Variants in TMPRSS15 observed in about 807,000 individuals in gnomAD.
TMPRSS15 encodes the protein transmembrane serine protease 15.
In TMPRSS15, 128 loss-of-function variants were observed where a neutral mutation model predicts 125.3. The ratio of observed to expected loss-of-function variants is 1.02; its 90% CI spans 0.89 to 1.18. The LOEUF is 1.18. Among genes scored for constraint, TMPRSS15 ranks in the 50% most tolerant of loss-of-function variants. The pLI is 0.00. For missense variants in TMPRSS15, 1,283 were observed against 1,212.7 expected, an observed-to-expected ratio of 1.06 and a Z score of -0.86; for synonymous variants, 446 against 423.2, an observed-to-expected ratio of 1.05 and a Z score of -0.66.
intron 6 of TMPRSS15, among the ~76,000 whole-genome samples, chr21:18,365,608 T>C (rs2075722293): frequency 2.3e-5 from 1 of 43,016 alleles, no homozygotes; most frequent in Non-Finnish European, 5.6e-5. Context: ...CCTTCTTTCC[T>C]TCCTTTTCTC....
intron 3 of TMPRSS15, among the ~76,000 whole-genome samples, chr21:18,392,734 T>G (rs2076001057): frequency 6.6e-6 from 1 of 152,188 alleles, no homozygotes; most frequent in Non-Finnish European, 1.5e-5. Context: ...GAAGTTTAAT[T>G]GACTCACAGT....
At chr21:18,466,348 A>T (rs908480729) in intron 1 of TMPRSS15, among the ~76,000 whole-genome samples, 3 of 152,150 alleles carry the variant, frequency 2.0e-5, no homozygotes, top group Non-Finnish European at 1.5e-5. Context: ...GGACATAGGC[A>T]TGGGCAAACA....
chr21:18,305,614 G>C (rs2075029775), intron 18 of TMPRSS15, among the ~76,000 whole-genome samples: 1 of 152,120 alleles, frequency 6.6e-6, no homozygotes, highest in Non-Finnish European at 1.5e-5. Context: ...GAGACTAGGT[G>C]ATTCTTATGT....
At chr21:18,393,227 G>A (rs2076005712) in intron 3 of TMPRSS15, among the ~76,000 whole-genome samples, 1 of 152,132 alleles carries the variant, frequency 6.6e-6, no homozygotes, top group Non-Finnish European at 1.5e-5. Context: ...AGTGAGATAT[G>A]AAGATGGAGA....
At chr21:18,280,586 A>AAAAAAACAAAAC (rs1555890686) in intron 22 of TMPRSS15, among the ~76,000 whole-genome samples, 1 of 148,976 alleles carries the variant, frequency 6.7e-6, no homozygotes, top group African/African-American at 2.6e-5. Flanking sequence ...AAAAAAAAAA[A>AAAAAAACAAAAC]AAAAAAAAAC....
At chr21:18,349,874 A>G (rs1475893) in intron 10 of TMPRSS15, among the ~76,000 whole-genome samples, 8 of 152,014 alleles carry the variant, frequency 5.3e-5, no homozygotes, top group Non-Finnish European at 1.0e-4. Flanking sequence ...CAAGCCGAAA[A>G]CATTTTCCCC....
intron 1 of TMPRSS15, among the ~76,000 whole-genome samples, chr21:18,414,299 C>T (rs1187236660): frequency 2.0e-5 from 3 of 152,032 alleles, no homozygotes; most frequent in Admixed American, 6.5e-5. Flanking sequence ...TAGACATGTC[C>T]TAACAGCTCC....
At chr21:18,369,258 C>G (rs764135652) in intron 6 of TMPRSS15, among the ~76,000 whole-genome samples, 1 of 152,126 alleles carries the variant, frequency 6.6e-6, no homozygotes, top group East Asian at 1.9e-4. Flanking sequence ...TGTGTCTTTG[C>G]TCATGGCATT....
intron 16 of TMPRSS15, among the ~76,000 whole-genome samples, chr21:18,322,368 C>T (rs998373858): frequency 6.6e-6 from 1 of 152,156 alleles, no homozygotes; most frequent in African/African-American, 2.4e-5. Flanking sequence ...AGGAGCCCCT[C>T]TGCTGGATAT....
At chr21:18,416,436 TCATATTATC>T (rs1226809843) in intron 1 of TMPRSS15, among the ~76,000 whole-genome samples, 1 of 152,026 alleles carries the variant, frequency 6.6e-6, no homozygotes, top group Non-Finnish European at 1.5e-5. Context: ...AGAGCAAAAT[TCATATTATC>T]CTTATATATC....
chr21:18,419,749 C>A (rs1409616958), intron 1 of TMPRSS15, among the ~76,000 whole-genome samples: 1 of 152,144 alleles, frequency 6.6e-6, no homozygotes, highest in Non-Finnish European at 1.5e-5. Context: ...CATCTGTAGT[C>A]GTTCCTGTAG....
At position 18,343,523 on chromosome 21, in the gene TMPRSS15, C is replaced by T. The variant is rs926009494; in HGVS notation, c.1411G>A (p.Glu471Lys). 3.1e-6 allele frequency: 5 copies of T among 1,610,972 alleles called. No homozygotes were observed. The highest frequency in any genetic ancestry group is 4.2e-6 in the Non-Finnish European group (5 of 1,177,546). Reference sequence around the variant, plus strand: ...TTGCAAACCTTAAATTTAACTGTTTCATTTAGGGTTACTTGTCCATAATTC... The same window carrying T: ...TTGCAAACCTTAAATTTAACTGTTTTATTTAGGGTTACTTGTCCATAATTC... ...NWNYGQVTLN[E>K]TVKFKVAFNA... Residue 471 changes from glutamate to lysine, a missense_variant, in exon 12 of 25, where the codon GAA becomes AAA. Coordinates refer to ENST00000284885, the MANE Select transcript of TMPRSS15 (RefSeq NM_002772.3).
Position 18,334,022 on chromosome 21 carries a change from T to C in TMPRSS15, c.1565-1849A>G, listed in dbSNP as rs191423183. ...AAAGGCATATAATACTGAGATTATT[T>C]ACCCCCAATAAACTAGAAATCAGAT... is the stretch of plus-strand genomic sequence containing the variant. On this transcript the variant is annotated intron_variant, in intron 13 of 24. Transcript: ENST00000284885. Among the ~76,000 whole-genome samples the C allele has an allele frequency of 2.6e-4, 39 of 152,320 alleles. 2 individuals carry two copies. In the East Asian group the frequency reaches 7.5e-3, roughly 29 times the overall value.
At chr21:18,462,651 A>T (rs1978572995) in intron 1 of TMPRSS15, among the ~76,000 whole-genome samples, 1 of 152,182 alleles carries the variant, frequency 6.6e-6, no homozygotes, top group Non-Finnish European at 1.5e-5. Flanking sequence ...AAAAATAAAA[A>T]GCAGAAGTGC....
chr21:18,302,388 A>T (rs535224264), intron 18 of TMPRSS15, among the ~76,000 whole-genome samples: 2 of 152,300 alleles, frequency 1.3e-5, no homozygotes, highest in East Asian at 3.9e-4. Context: ...CCACTAGGAA[A>T]GTAAAGGCAT....
At chr21:18,323,800 T>C (rs969050006) in intron 16 of TMPRSS15, among the ~76,000 whole-genome samples, 8 of 152,194 alleles carry the variant, frequency 5.3e-5, no homozygotes, top group Non-Finnish European at 8.8e-5. Flanking sequence ...GGTATTTACT[T>C]GCTCTATTTT....
chr21:18,400,358 G>T (rs977108722), intron 1 of TMPRSS15, among the ~76,000 whole-genome samples: 1 of 152,122 alleles, frequency 6.6e-6, no homozygotes, highest in East Asian at 1.9e-4. Flanking sequence ...AAACAGCATG[G>T]TAGTAGTACA....
intron 9 of TMPRSS15, 46 bp from the exon 10 acceptor site, chr21:18,353,098 T>C: frequency 6.6e-7 from 1 of 1,524,144 alleles, no homozygotes; most frequent in African/African-American, 1.4e-5. Context: ...TAGTCCATAA[T>C]GTGAGTAGTT....
intron 1 of TMPRSS15, among the ~76,000 whole-genome samples, chr21:18,411,471 T>C (rs1461376515): frequency 6.6e-6 from 1 of 152,180 alleles, no homozygotes; most frequent in African/African-American, 2.4e-5. Flanking sequence ...ATGATTTATG[T>C]CTCTTTACAT....
Sources: allele counts gnomAD v4.1 joint callset (sites outside exome capture counted in the v4.1 genomes callset), GRCh38; gene constraint gnomAD v4.1.1; transcripts MANE v1.5; gene names NCBI Gene and HGNC (gene_info 2026-07-23, HGNC 2026-07-21).